Variants in ADAM10 observed in about 807,000 individuals in gnomAD.
ADAM10 encodes the protein disintegrin and metalloproteinase domain-containing protein 10.
Under a neutral mutation model 90.1 loss-of-function variants are expected in ADAM10, and 17 were observed. The ratio of observed to expected loss-of-function variants is 0.19; its 90% CI spans 0.13 to 0.28. The LOEUF (loss-of-function observed/expected upper bound fraction) is 0.28. Among genes scored for constraint, ADAM10 ranks in the 10% least tolerant of loss-of-function variants. The pLI is 1.00. For synonymous variants in ADAM10, 310 were observed against 298.6 expected (o/e 1.04, Z -0.40); for missense variants, 610 against 914.3 (o/e 0.67, Z 4.29).
chr15:58,603,864 G>A (rs1419923055), intron 14 of ADAM10, among the ~76,000 whole-genome samples: 3 of 143,894 alleles, frequency 2.1e-5, no homozygotes, highest in Admixed American at 6.9e-5. Flanking sequence ...AGAAAGATTG[G>A]GGGTCCAGGG....
chr15:58,672,915 G>A (rs59722930), intron 4 of ADAM10: 10 of 187,098 alleles, frequency 5.3e-5, no homozygotes, highest in Non-Finnish European at 8.1e-5. Flanking sequence ...GAAAGATGAA[G>A]ATGATCATAA....
chr15:58,648,773 C>G (rs930876069), intron 5 of ADAM10, among the ~76,000 whole-genome samples: 5 of 152,154 alleles, frequency 3.3e-5, no homozygotes, highest in South Asian at 4.1e-4. Flanking sequence ...TACGGACATA[C>G]AAATTAAAGG....
chr15:58,602,143 T>C (rs1221856785), intron 14 of ADAM10, among the ~76,000 whole-genome samples: 2 of 152,202 alleles, frequency 1.3e-5, no homozygotes, highest in African/African-American at 4.8e-5. Flanking sequence ...TGGTTTCCTA[T>C]TTTTTATAAA....
Position 58,749,065 on chromosome 15 carries a change from C to G in ADAM10, c.55+415G>C, listed in dbSNP as rs991684399. The G allele has an allele frequency of 7.5e-6, 3 of 398,912 alleles. No homozygotes were observed. The East Asian group carries it at 1.1e-4, about 14-fold the overall frequency. The allele number at this position is 398,912 out of a possible 1,614,324, so 24.7% of individuals were successfully genotyped here. A position where few individuals can be genotyped will look rare whatever the true frequency, so the allele number is the denominator to read the frequency against. ...GGGGAGGAATGGTGAGCAGGATGAGCGCTGAACGAGGACGGCGAGACCGCC... is the reference window on the plus strand; with the variant it reads ...GGGGAGGAATGGTGAGCAGGATGAGGGCTGAACGAGGACGGCGAGACCGCC... On this transcript the variant is annotated intron_variant, in intron 1 of 15. Transcript: ENST00000260408.
chr15:58,692,289 C>A, intron 2 of ADAM10: 1 of 607,688 alleles, frequency 1.6e-6, no homozygotes, highest in South Asian at 1.4e-5. Context: ...TGGTGAGGCT[C>A]TTGTAGAATT....
chr15:58,645,183 C>A (rs1016969923), intron 6 of ADAM10, among the ~76,000 whole-genome samples: 1 of 152,222 alleles, frequency 6.6e-6, no homozygotes, highest in Non-Finnish European at 1.5e-5. Flanking sequence ...GTAGCCCACG[C>A]TGCCAAACAC....
intron 2 of ADAM10, among the ~76,000 whole-genome samples, chr15:58,700,984 G>A (rs1410073452): frequency 1.7e-5 from 2 of 116,412 alleles, no homozygotes; most frequent in Non-Finnish European, 3.6e-5. Flanking sequence ...CAACCTGGGA[G>A]ACAGAACAAA....
intron 15 of ADAM10, among the ~76,000 whole-genome samples, chr15:58,599,333 A>C (rs1350104891): frequency 6.6e-6 from 1 of 151,624 alleles, no homozygotes; most frequent in Non-Finnish European, 1.5e-5. Context: ...AAAAAAAAAC[A>C]AGAAAACAAA....
At chr15:58,633,476 A>C in intron 8 of ADAM10, 117 bp from the exon 9 acceptor site, 1 of 875,000 alleles carries the variant, frequency 1.1e-6, no homozygotes, top group South Asian at 1.7e-5. Context: ...TAGAACTGGT[A>C]CTCAAACGTA....
chr15:58,650,962 G>C (rs1896670806), intron 5 of ADAM10, among the ~76,000 whole-genome samples: 1 of 151,778 alleles, frequency 6.6e-6, no homozygotes, highest in African/African-American at 2.4e-5. Flanking sequence ...TATTCATATA[G>C]TGAAATATAT....
In ADAM10 at chr15:58,593,347, G is replaced by A. The variant is rs1373963277; in HGVS notation, c.*4200C>T. The A allele has an allele frequency of 6.6e-6, 1 of 151,936 alleles. No individual in the cohort carries two copies. The highest frequency in any genetic ancestry group is 1.5e-5 in the Non-Finnish European group (1 of 68,056). The allele number at this position is 151,936 out of a possible 1,614,324, so 9.4% of individuals were successfully genotyped here. A position where few individuals can be genotyped will look rare whatever the true frequency, so the allele number is the denominator to read the frequency against. Reference sequence around the variant, plus strand: ...CTGCCTCTGCCTCCCGAGTAGCTGGGATTACAAGCATGTGCCACCACGCCC... The same window carrying A: ...CTGCCTCTGCCTCCCGAGTAGCTGGAATTACAAGCATGTGCCACCACGCCC... On this transcript the variant is annotated 3_prime_UTR_variant, in exon 16 of 16. Coordinates refer to ENST00000260408, the MANE Select transcript of ADAM10 (RefSeq NM_001110.4).
chr15:58,703,690 G>A (rs749753009), intron 2 of ADAM10, among the ~76,000 whole-genome samples: 1 of 152,118 alleles, frequency 6.6e-6, no homozygotes, highest in Non-Finnish European at 1.5e-5. Flanking sequence ...TCCCAGTATT[G>A]GGGGAAGAGT....
intron 5 of ADAM10, among the ~76,000 whole-genome samples, chr15:58,647,285 G>C: frequency 5.5e-5 from 1 of 18,086 alleles, no homozygotes; most frequent in Non-Finnish European, 1.8e-4. Flanking sequence ...TTTTGAGACA[G>C]AGTCTCACTC....
intron 5 of ADAM10, among the ~76,000 whole-genome samples, chr15:58,654,533 C>T: frequency 6.6e-6 from 1 of 152,118 alleles, no homozygotes; most frequent in East Asian, 1.9e-4. Context: ...CATGCACCAC[C>T]ACACCTGGCT....
intron 2 of ADAM10, among the ~76,000 whole-genome samples, chr15:58,710,021 G>A (rs1043298477): frequency 2.6e-5 from 4 of 152,092 alleles, no homozygotes; most frequent in Admixed American, 6.5e-5. Context: ...AGTGGCTCAC[G>A]CCTGTAATCC....
intron 1 of ADAM10, among the ~76,000 whole-genome samples, chr15:58,730,106 T>C (rs1200221787): frequency 1.3e-5 from 2 of 152,098 alleles, no homozygotes; most frequent in East Asian, 3.9e-4. Context: ...CCAAAACACT[T>C]TTGGTTCCAA....
chr15:58,599,187 AG>A (rs1895043196), intron 15 of ADAM10, among the ~76,000 whole-genome samples: 1 of 89,542 alleles, frequency 1.1e-5, no homozygotes, highest in Non-Finnish European at 2.2e-5. Context: ...GGCGGGAGGG[AG>A]GGAAGATGGA....
chr15:58,656,724 T>C (rs1053997951), intron 5 of ADAM10, among the ~76,000 whole-genome samples: 3 of 152,224 alleles, frequency 2.0e-5, no homozygotes, highest in Non-Finnish European at 4.4e-5. Context: ...ACTCAAGATA[T>C]GAGTAATTTA....
chr15:58,716,799 A>T (rs536300109), intron 2 of ADAM10, among the ~76,000 whole-genome samples: 2 of 152,284 alleles, frequency 1.3e-5, no homozygotes, highest in East Asian at 3.9e-4. Flanking sequence ...GGGTTACATC[A>T]GTACAAAAAG....
Sources: allele counts gnomAD v4.1 joint callset (sites outside exome capture counted in the v4.1 genomes callset), GRCh38; gene constraint gnomAD v4.1.1; transcripts MANE v1.5; gene names NCBI Gene and HGNC (gene_info 2026-07-23, HGNC 2026-07-21).